Variants in MCM2 observed in about 807,000 individuals in gnomAD.
MCM2 encodes minichromosome maintenance complex component 2.
In MCM2, 49 loss-of-function variants were observed where a neutral mutation model predicts 86.4. That is an observed-to-expected ratio of 0.57 (90% confidence interval 0.45 to 0.72). The LOEUF (loss-of-function observed/expected upper bound fraction) is 0.72. Ranked by LOEUF, MCM2 falls within the 30% of genes least tolerant of loss-of-function variation. The pLI, the probability that MCM2 is intolerant of heterozygous loss-of-function variation, is 0.00. For synonymous variants in MCM2, 475 were observed against 484.6 expected, an observed-to-expected ratio of 0.98 and a Z score of 0.26; for missense variants, 1,038 against 1,259.9, an observed-to-expected ratio of 0.82 and a Z score of 2.67.
In MCM2 at chr3:127,618,209, G is replaced by A; in HGVS notation, c.2013+128G>A. On this transcript the variant is annotated intron_variant, in intron 12 of 15. Coordinates refer to ENST00000265056, the MANE Select transcript of MCM2 (RefSeq NM_004526.4). This position sits in a 1 kb window ranked among gnomAD's most constrained non-coding sequence, Gnocchi z 4.0. ...GGGCCATAGGCTGTTTTCTAGTCCT[G>A]TTCCCTCGGTCTCTTCTCATGTCCA... 1.4e-6 allele frequency: 1 copy of A among 715,156 alleles called. No individual in the cohort carries two copies. The highest frequency in any genetic ancestry group is 2.5e-6 in the Non-Finnish European group (1 of 402,982). The allele number at this position is 715,156 out of a possible 1,614,324, so 44.3% of individuals were successfully genotyped here.
At chr3:127,619,397 C>T (rs2074459258) in intron 13 of MCM2, 119 bp downstream of exon 13, 1 of 1,290,450 alleles carries the variant, frequency 7.7e-7, no homozygotes, top group African/African-American at 1.5e-5. Context: ...AGCAGGGAGG[C>T]ATTAAAAAAA....
At position 127,617,305 on chromosome 3, in the gene MCM2, C is replaced by T; in HGVS notation, c.1800C>T (p.Ile600=). 1.2e-6 allele frequency: 2 copies of T among 1,614,164 alleles called. No individual in the cohort carries two copies. The highest frequency in any genetic ancestry group is 1.7e-6 in the Non-Finnish European group (2 of 1,180,020). ...DKMNDQDRTS[I]HEAMEQQSIS... is the part of the protein sequence containing the mutation. ...TGAATGACCAGGACAGAACCAGCAT[C>T]CATGAGGCCATGGAGCAACAGAGCA... Residue 600 remains isoleucine, a synonymous_variant, in exon 11 of 16, where the codon ATC becomes ATT. Transcript: ENST00000265056. The surrounding 1 kb of genome is among the most constrained non-coding windows in gnomAD (Gnocchi z 4.1).
chr3:127,610,067 C>T (rs2074383053), intron 8 of MCM2, among the ~76,000 whole-genome samples: 1 of 152,106 alleles, frequency 6.6e-6, no homozygotes, highest in Non-Finnish European at 1.5e-5. Flanking sequence ...TGGTCTCGAA[C>T]TCCTGACCTC....
chr3:127,619,009 T>C lies in MCM2; in HGVS notation c.2014-18T>C. The C allele has an allele frequency of 6.4e-7, 1 of 1,566,854 alleles. No homozygotes were observed. The highest frequency in any genetic ancestry group is 8.7e-7 in the Non-Finnish European group (1 of 1,152,356). Reference sequence around the variant, plus strand: ...CGCACACCCACAATCAGACCCACCCTCTCATGGCTTATCTTAGGACGAGAT... The same window carrying C: ...CGCACACCCACAATCAGACCCACCCCCTCATGGCTTATCTTAGGACGAGAT... On this transcript the variant is annotated intron_variant, in intron 12 of 15. Coordinates refer to ENST00000265056, the MANE Select transcript of MCM2 (RefSeq NM_004526.4).
At position 127,604,876 on chromosome 3, in the gene MCM2, G is replaced by A. The variant is rs114616241; in HGVS notation, c.413-20G>A. On this transcript the variant is annotated intron_variant, in intron 3 of 15. Transcript: ENST00000265056. Reference sequence around the variant, plus strand: ...GGTGCTGGGGATGACCGCAGTAGCAGGTGTCTCTTGCCTCCCCAGACAGCG... The same window carrying A: ...GGTGCTGGGGATGACCGCAGTAGCAAGTGTCTCTTGCCTCCCCAGACAGCG... 4.8e-4 allele frequency: 770 copies of A among 1,599,114 alleles called. 3 individuals are homozygous for A. The African/African-American group carries it at 9.6e-3, about 20-fold the overall frequency.
In MCM2 at chr3:127,606,857, G is replaced by A. The variant is rs1375073284; in HGVS notation, c.1101+40G>A. On this transcript the variant is annotated intron_variant, in intron 6 of 15. Coordinates refer to ENST00000265056, the MANE Select transcript of MCM2 (RefSeq NM_004526.4). The surrounding 1 kb of genome is among the most constrained non-coding windows in gnomAD (Gnocchi z 4.2). ...AAGGTCTGCTGCCAGCTGTCCTTAG[G>A]GGTGCCCAGTATGCAGGACCTGACT... The A allele has an allele frequency of 2.5e-6, 4 of 1,602,560 alleles. No individual in the cohort carries two copies. Among genetic ancestry groups the A allele is most frequent in the Non-Finnish European group, 3.4e-6 (4 of 1,170,086 alleles).
At chr3:127,604,826 G>A (rs769296708) in intron 3 of MCM2, 43 bp downstream of exon 3, 5 of 1,572,888 alleles carry the variant, frequency 3.2e-6, no homozygotes, top group Non-Finnish European at 3.5e-6. Flanking sequence ...GGGAAGCTGG[G>A]AAGGAGTCTG....
Position 127,607,363 on chromosome 3 carries a change from C to T in MCM2, c.1101+546C>T, listed in dbSNP as rs112758051. On this transcript the variant is annotated intron_variant, in intron 6 of 15. Transcript: ENST00000265056. ...TGAGCGTCCCTGTAAATGGGCTCATCGCCATCGCTGTGGTGGCGCCCAGGC... is the reference window on the plus strand; with the variant it reads ...TGAGCGTCCCTGTAAATGGGCTCATTGCCATCGCTGTGGTGGCGCCCAGGC... Among the ~76,000 whole-genome samples the T allele has an allele frequency of 3.6e-3, 552 of 152,384 alleles. 6 individuals carry two copies. The highest frequency in any genetic ancestry group is 0.019 in the South Asian group (92 of 4,830).
At chr3:127,616,720 A>G (rs540478465) in intron 9 of MCM2, 148 bp from the exon 10 acceptor site, 14 of 851,528 alleles carry the variant, frequency 1.6e-5, no homozygotes, top group Non-Finnish European at 2.2e-5. Flanking sequence ...GTGGGACTGC[A>G]TGGCGTAGGG....
In MCM2 at chr3:127,618,328, G is replaced by A. The variant is rs545101297; in HGVS notation, c.2013+247G>A. ...CAAATCCTGTTGTCCCAACTCCTGA[G>A]CCTACCCACCTCCCTCACTTCTGCC... On this transcript the variant is annotated intron_variant, in intron 12 of 15. Coordinates refer to ENST00000265056, the MANE Select transcript of MCM2 (RefSeq NM_004526.4). The surrounding 1 kb of genome is among the most constrained non-coding windows in gnomAD (Gnocchi z 4.0). Among the ~76,000 whole-genome samples, 1 of 152,064 alleles carries A rather than the reference G, an allele frequency of 6.6e-6. No individual in the cohort carries two copies. Among genetic ancestry groups the A allele is most frequent in the South Asian group, 2.1e-4 (1 of 4,820 alleles).
intron 15 of MCM2, 91 bp downstream of exon 15, chr3:127,621,319 A>C: frequency 1.3e-6 from 2 of 1,505,412 alleles, no homozygotes; most frequent in Non-Finnish European, 1.8e-6. Flanking sequence ...TGGGTCATGA[A>C]GTGGGTGGGC....
rs767287370 is a variant in MCM2 at position 127,606,745 on chromosome 3, G to A, written c.1029G>A (p.Gln343=). The change falls in exon 6 of 16, where the codon CAG becomes CAA. Residue 343 remains glutamine, a synonymous_variant. Coordinates refer to ENST00000265056, the MANE Select transcript of MCM2 (RefSeq NM_004526.4). This position sits in a 1 kb window ranked among gnomAD's most constrained non-coding sequence, Gnocchi z 4.2. ...TCCTGGGTCCTTTCTGCCAGTCCCA[G>A]AACCAGGAGGTGAAACCAGGCTCCT... ...NFVLGPFCQS[Q]NQEVKPGSCP... 1.9e-6 allele frequency: 3 copies of A among 1,614,240 alleles called. No individual in the cohort carries two copies. The highest frequency in any genetic ancestry group is 2.2e-5 in the South Asian group (2 of 91,088).
rs779792185 is a variant in MCM2 at position 127,606,661 on chromosome 3, C to T, written c.945C>T (p.Cys315=). 1 of 1,614,226 alleles carries T rather than the reference C, an allele frequency of 6.2e-7. No homozygotes were observed. Among genetic ancestry groups the T allele is most frequent in the South Asian group, 1.1e-5 (1 of 91,092 alleles). ...GCACCAGTGGGGTGGTGACCAGCTG[C>T]ACTGGCGTCCTGCCCCAGCTCAGCA... ...LIRTSGVVTS[C]TGVLPQLSMV... Residue 315 remains cysteine, a synonymous_variant, in exon 6 of 16, where the codon TGC becomes TGT. Coordinates refer to ENST00000265056, the MANE Select transcript of MCM2 (RefSeq NM_004526.4). This position sits in a 1 kb window ranked among gnomAD's most constrained non-coding sequence, Gnocchi z 4.2.
In MCM2 at chr3:127,606,653, A is replaced by G. The variant is rs2074353668; in HGVS notation, c.937A>G (p.Thr313Ala). 3.7e-6 allele frequency: 6 copies of G among 1,614,016 alleles called. No individual in the cohort carries two copies. The East Asian group carries it at 1.3e-4, about 36-fold the overall frequency. Residue 313 changes from threonine (T) to alanine (A), a missense_variant, in exon 6 of 16, where the codon ACC (threonine) becomes GCC (alanine). Coordinates refer to ENST00000265056, the MANE Select transcript of MCM2 (RefSeq NM_004526.4). This position sits in a 1 kb window ranked among gnomAD's most constrained non-coding sequence, Gnocchi z 4.2. ...NQLIRTSGVV[T>A]SCTGVLPQLS... ...GCTGATCCGCACCAGTGGGGTGGTG[A>G]CCAGCTGCACTGGCGTCCTGCCCCA...
At chr3:127,611,017 G>C (rs1283608974) in intron 8 of MCM2, 1 of 452,042 alleles carries the variant, frequency 2.2e-6, no homozygotes. Context: ...CTTGCCCTCA[G>C]AGCTCATATT....
intron 13 of MCM2, among the ~76,000 whole-genome samples, chr3:127,619,983 CA>C (rs533633866): frequency 2.0e-5 from 3 of 148,692 alleles, no homozygotes; most frequent in Non-Finnish European, 3.0e-5. Flanking sequence ...AACCCTGTTT[CA>C]AAAAAAAAAT....
Position 127,604,957 on chromosome 3 carries a change from G to A in MCM2, c.474G>A (p.Thr158=), listed in dbSNP as rs369899498. The change falls in exon 4 of 16, where the codon ACG becomes ACA. Residue 158 remains threonine (T), a synonymous_variant. Coordinates refer to ENST00000265056, the MANE Select transcript of MCM2 (RefSeq NM_004526.4). ...AGCGCCGCCAGGTGGAGCGGGCCACGGAGGACGGCGAGGAGGACGAGGAGA... is the reference window on the plus strand; with the variant it reads ...AGCGCCGCCAGGTGGAGCGGGCCACAGAGGACGGCGAGGAGGACGAGGAGA... ...ARKRRQVERA[T]EDGEEDEEMI... is the part of the protein sequence containing the mutation. The A allele has an allele frequency of 1.7e-5, 27 of 1,606,476 alleles. No homozygotes were observed. Among genetic ancestry groups the A allele is most frequent in the African/African-American group, 1.6e-4 (12 of 74,764 alleles).
chr3:127,599,027 T>G, intron 1 of MCM2: 1 of 508,310 alleles, frequency 2.0e-6, no homozygotes, highest in Non-Finnish European at 3.5e-6. Context: ...AATAGGCAAA[T>G]GACATAACCT....
In MCM2 at chr3:127,621,986, T is replaced by C; in HGVS notation, c.*213T>C. ...CTTTGGGTGGGATGCCTTGCCAGTG[T>C]GTCTTACTTGGTTGCTGAACATCTT... On this transcript the variant is annotated 3_prime_UTR_variant, in exon 16 of 16. Transcript: ENST00000265056. 1 of 516,974 alleles carries C rather than the reference T, an allele frequency of 1.9e-6. No individual in the cohort carries two copies. Among genetic ancestry groups the C allele is most frequent in the Non-Finnish European group, 3.5e-6 (1 of 288,466 alleles). The allele number at this position is 516,974 out of a possible 1,614,324, so 32.0% of individuals were successfully genotyped here.
Sources: gnomAD v4.1 joint callset for allele counts (sites outside exome capture counted in the v4.1 genomes callset) on GRCh38, gnomAD v4.1.1 for gene constraint, Gnocchi (gnomAD v3.1) non-coding constraint, MANE v1.5 for transcripts, NCBI Gene and HGNC (gene_info 2026-07-23, HGNC 2026-07-21) for gene names.